Variants in ANO4 observed in about 807,000 individuals in gnomAD.
ANO4 encodes anoctamin 4.
A neutral mutation model predicts 141.9 loss-of-function variants in ANO4; 69 were observed. The ratio of observed to expected loss-of-function variants is 0.49; its 90% confidence interval spans 0.40 to 0.59. The LOEUF (loss-of-function observed/expected upper bound fraction) is 0.59, where lower values mean the gene tolerates loss of function less well. Ranked by LOEUF, ANO4 falls within the 20% of genes least tolerant of loss-of-function variation. The pLI is 0.00. For missense variants in ANO4, 894 were observed against 1,162.2 expected, an observed-to-expected ratio of 0.77 and a Z score of 3.36; for synonymous variants, 350 against 394.3, an observed-to-expected ratio of 0.89 and a Z score of 1.33.
chr12:101,064,565 A>G (rs1302279174), intron 14 of ANO4, among the ~76,000 whole-genome samples: 13 of 152,070 alleles, frequency 8.5e-5, no homozygotes, highest in Non-Finnish European at 4.4e-5. Context: ...TGCCTAATGT[A>G]CATGATGGGT....
intron 1 of ANO4, among the ~76,000 whole-genome samples, chr12:100,867,447 A>G (rs75842060): frequency 0.011 from 1,699 of 152,302 alleles, 39 homozygotes; most frequent in African/African-American, 0.039. Flanking sequence ...CCCAGCTCAA[A>G]GACAGTCGGG....
chr12:100,754,115 G>A (rs1375302059), intron 3 of ANO4, among the ~76,000 whole-genome samples: 1 of 152,204 alleles, frequency 6.6e-6, no homozygotes, highest in Non-Finnish European at 1.5e-5. Context: ...AACTGGGGAT[G>A]TGAGGGTGAC....
chr12:101,085,987 G>A (rs1212346762), intron 16 of ANO4, among the ~76,000 whole-genome samples: 3 of 151,890 alleles, frequency 2.0e-5, no homozygotes, highest in Admixed American at 6.6e-5. Context: ...ATGACAACAC[G>A]AAAAACAAAT....
chr12:100,973,544 T>A (rs370073520), intron 6 of ANO4, among the ~76,000 whole-genome samples: 14 of 152,204 alleles, frequency 9.2e-5, no homozygotes, highest in African/African-American at 2.4e-4. Context: ...TTTTTATAAC[T>A]AATAGACCTT....
At chr12:100,810,160 T>C (rs780613549) in intron 1 of ANO4, among the ~76,000 whole-genome samples, 5 of 151,772 alleles carry the variant, frequency 3.3e-5, no homozygotes, top group Admixed American at 1.3e-4. Context: ...AGGAGTATGC[T>C]GATCAGGATA....
intron 3 of ANO4, among the ~76,000 whole-genome samples, chr12:100,785,465 T>C (rs1192464822): frequency 6.6e-6 from 1 of 152,222 alleles, no homozygotes; most frequent in African/African-American, 2.4e-5. Context: ...GTTTTGCCTT[T>C]TCTAGACTGT....
At chr12:100,720,224 A>G (rs905515930) in intron 1 of ANO4, among the ~76,000 whole-genome samples, 18 of 152,090 alleles carry the variant, frequency 1.2e-4, no homozygotes, top group African/African-American at 4.3e-4. Flanking sequence ...TTAGACTCAC[A>G]GACCTGGCCT....
chr12:100,865,993 C>T (rs1488862862), intron 1 of ANO4, among the ~76,000 whole-genome samples: 1 of 152,192 alleles, frequency 6.6e-6, no homozygotes, highest in Non-Finnish European at 1.5e-5. Flanking sequence ...CCTTAGCTTT[C>T]CTGTCTTCTA....
intron 1 of ANO4, among the ~76,000 whole-genome samples, chr12:100,828,578 A>C (rs1034556417): frequency 6.6e-6 from 1 of 152,076 alleles, no homozygotes; most frequent in Admixed American, 6.6e-5. Context: ...GGAAAATAAT[A>C]GCCCATGCGG....
At chr12:101,104,657 A>ATATATG (rs1349043528) in intron 22 of ANO4, among the ~76,000 whole-genome samples, 1 of 63,010 alleles carries the variant, frequency 1.6e-5, no homozygotes, top group Non-Finnish European at 2.9e-5. Context: ...ATATATATAT[A>ATATATG]TATATATATA....
chr12:100,940,565 C>T (rs1358578200), intron 4 of ANO4, among the ~76,000 whole-genome samples: 1 of 152,158 alleles, frequency 6.6e-6, no homozygotes, highest in African/African-American at 2.4e-5. Flanking sequence ...AATGTAAAAT[C>T]CAAAACATAG....
At chr12:101,032,824 G>A (rs2047030342) in intron 9 of ANO4, among the ~76,000 whole-genome samples, 1 of 151,520 alleles carries the variant, frequency 6.6e-6, no homozygotes, top group Non-Finnish European at 1.5e-5. Context: ...AACAACAGGT[G>A]CTGGAGAGGA....
rs114747991 is a variant in ANO4 at position 101,096,200 on chromosome 12, G to A, written c.1739-336G>A. 6.2e-3 allele frequency among the ~76,000 whole-genome samples: 944 copies of A among 152,324 alleles called. 9 individuals are homozygous for A. The highest frequency in any genetic ancestry group is 0.022 in the African/African-American group (908 of 41,576). On this transcript the variant is annotated intron_variant, in intron 18 of 27. Transcript: ENST00000392977. ...ATTAAGAGGAAAAGAAAAGGCTACTGCAGAGAGCCACGACTGGGAATGAGG... is the reference window on the plus strand; with the variant it reads ...ATTAAGAGGAAAAGAAAAGGCTACTACAGAGAGCCACGACTGGGAATGAGG...
chr12:100,912,447 T>C (rs533679630), intron 2 of ANO4, among the ~76,000 whole-genome samples: 1 of 127,892 alleles, frequency 7.8e-6, no homozygotes, highest in East Asian at 2.5e-4. Context: ...AGCAGGAGAA[T>C]CGCTTGAATC....
rs760076923 is a variant in ANO4, at chr12:101,094,245, T to G, written c.1702-11T>G. 1 of 1,607,518 alleles carries G rather than the reference T, an allele frequency of 6.2e-7. No individual in the cohort carries two copies. ...AGTTCATTTATTAAATGCATGAAAT[T>G]TATTTTACAGCTCTATGAAAAAGTT... On this transcript the variant is annotated splice_polypyrimidine_tract_variant and intron_variant, in intron 17 of 27. Coordinates refer to ENST00000392977, the MANE Select transcript of ANO4 (RefSeq NM_001286615.2).
chr12:100,856,584 G>A (rs1258890327), intron 1 of ANO4, among the ~76,000 whole-genome samples: 1 of 152,098 alleles, frequency 6.6e-6, no homozygotes, highest in Admixed American at 6.6e-5. Context: ...ACAGAAGAGG[G>A]GAAGCTATTT....
At chr12:101,042,722 C>T (rs1041957916) in intron 12 of ANO4, among the ~76,000 whole-genome samples, 3 of 152,180 alleles carry the variant, frequency 2.0e-5, no homozygotes, top group South Asian at 2.1e-4. Context: ...CAGAACAAGC[C>T]GCCTTCATTC....
intron 8 of ANO4, among the ~76,000 whole-genome samples, chr12:100,993,329 G>A (rs779143123): frequency 6.6e-6 from 1 of 152,124 alleles, no homozygotes; most frequent in South Asian, 2.1e-4. Context: ...AGCTTACCAA[G>A]GTGGGCCTAC....
intron 8 of ANO4, among the ~76,000 whole-genome samples, chr12:100,997,331 CAAA>C (rs34066695): frequency 1.3e-5 from 1 of 75,940 alleles, no homozygotes. Context: ...GACTCTGTCT[CAAA>C]AAAAAAAAAA....
Sources: allele counts gnomAD v4.1 joint callset (sites outside exome capture counted in the v4.1 genomes callset), GRCh38; gene constraint gnomAD v4.1.1; transcripts MANE v1.5; gene names NCBI Gene and HGNC (gene_info 2026-07-23, HGNC 2026-07-21).